GALNT16: variants seen among roughly 807,000 people sequenced by gnomAD.
GALNT16 encodes polypeptide N-acetylgalactosaminyltransferase 16.
A neutral mutation model predicts 76.1 loss-of-function variants in GALNT16; 40 were observed. That is an observed-to-expected ratio of 0.53 (90% confidence interval 0.41 to 0.68). The LOEUF (loss-of-function observed/expected upper bound fraction) is 0.68. Ranked by LOEUF, GALNT16 falls within the 30% of genes least tolerant of loss-of-function variation. The pLI is 0.00. For missense variants in GALNT16, 621 were observed against 731.9 expected (o/e 0.85, Z 1.75); for synonymous variants, 276 against 285.2 (o/e 0.97, Z 0.32).
chr14:69,315,778 T>C (rs2045090472), intron 1 of GALNT16, among the ~76,000 whole-genome samples: 1 of 152,044 alleles, frequency 6.6e-6, no homozygotes, highest in Admixed American at 6.6e-5. Flanking sequence ...TTTTGGTCAC[T>C]AGAGAAGAAC....
At chr14:69,338,831 C>T (rs1468208912) in intron 10 of GALNT16, 54 bp downstream of exon 10, 1 of 1,446,170 alleles carries the variant, frequency 6.9e-7, no homozygotes. Context: ...AAGGCCCAAG[C>T]CCCCAGCCTT....
the GALNT16 span, among the ~76,000 whole-genome samples, chr14:69,377,804 CAAAAAAAAAAAAAAAAAAAA>C: frequency 2.7e-5 from 1 of 37,478 alleles, no homozygotes; most frequent in Admixed American, 5.8e-4. Flanking sequence ...GAGACTGTCT[CAAAAAAAAAAAAAAAAAAAA>C]AAAAAAAAAA....
intron 2 of GALNT16, among the ~76,000 whole-genome samples, chr14:69,321,635 C>T (rs566960871): frequency 6.6e-6 from 1 of 152,320 alleles, no homozygotes; most frequent in South Asian, 2.1e-4. Flanking sequence ...ATTCCTCCCT[C>T]CTTCCTTCCT....
At chr14:69,284,025 C>T (rs147841379) in intron 1 of GALNT16, among the ~76,000 whole-genome samples, 2 of 152,258 alleles carry the variant, frequency 1.3e-5, no homozygotes, top group Non-Finnish European at 2.9e-5. Flanking sequence ...TGATTTGGCT[C>T]ATCCTTACCC....
chr14:69,260,602 A>G, intron 1 of GALNT16, 135 bp downstream of exon 1: 1 of 542,998 alleles, frequency 1.8e-6, no homozygotes. Flanking sequence ...TATATGTTGG[A>G]GCATTCCTGC....
chr14:69,302,559 C>T (rs904901593), intron 1 of GALNT16, among the ~76,000 whole-genome samples: 2 of 152,118 alleles, frequency 1.3e-5, no homozygotes, highest in African/African-American at 4.8e-5. Context: ...CCGAATCTTG[C>T]ACAGAAGTCT....
chr14:69,266,566 A>G (rs1208721419), intron 1 of GALNT16, among the ~76,000 whole-genome samples: 1 of 152,186 alleles, frequency 6.6e-6, no homozygotes, highest in African/African-American at 2.4e-5. Flanking sequence ...TGAGGCCAGG[A>G]GGTGAAAGAT....
chr14:69,386,015 A>G, the GALNT16 span, among the ~76,000 whole-genome samples: 478 of 152,280 alleles, frequency 3.1e-3, 4 homozygotes, highest in African/African-American at 0.011. Context: ...GCTGTCCCTC[A>G]TCCCCTCTGT....
chr14:69,366,785 A>T, the GALNT16 span, among the ~76,000 whole-genome samples: 9 of 152,216 alleles, frequency 5.9e-5, no homozygotes, highest in Non-Finnish European at 1.2e-4. Context: ...AATCACAAAC[A>T]TATGTTGAGA....
rs1171220803 is a variant in GALNT16, at chr14:69,320,792, A to C, written c.259A>C (p.Arg87=). 6 of 1,614,210 alleles carry C rather than the reference A, an allele frequency of 3.7e-6. No individual in the cohort carries two copies. The highest frequency in any genetic ancestry group is 5.1e-6 in the Non-Finnish European group (6 of 1,180,022). Residue 87 remains arginine, a synonymous_variant, in exon 2 of 15, where the codon AGA becomes CGA. Transcript: ENST00000448469. ...GCTGAAGGCTGGAGAGGACCCCTAC[A>C]GACAGCACGCCTTCAACCAGCTGGA... ...KQLKAGEDPY[R]QHAFNQLESD... is the part of the protein sequence containing the mutation.
intron 12 of GALNT16, among the ~76,000 whole-genome samples, chr14:69,342,708 C>T (rs1269837618): frequency 6.6e-6 from 1 of 152,122 alleles, no homozygotes; most frequent in African/African-American, 2.4e-5. Context: ...TGTGTGCACT[C>T]GAGCTGTAGT....
At chr14:69,358,606 T>A (rs1489492729), downstream of GALNT16, 1 of 152,774 alleles carries the variant, frequency 6.5e-6, no homozygotes, top group Non-Finnish European at 1.5e-5. Context: ...TGACTTCTCC[T>A]TCTGAAGGAT....
At chr14:69,281,882 C>G (rs949069107) in intron 1 of GALNT16, among the ~76,000 whole-genome samples, 2 of 152,188 alleles carry the variant, frequency 1.3e-5, no homozygotes, top group Non-Finnish European at 2.9e-5. Flanking sequence ...CAGTGCCTGT[C>G]TAAACCCCAA....
the GALNT16 span, among the ~76,000 whole-genome samples, chr14:69,383,138 T>C: frequency 1.3e-5 from 2 of 152,226 alleles, no homozygotes; most frequent in Non-Finnish European, 2.9e-5. Flanking sequence ...ATTATTTTCA[T>C]CTTACAAAAA....
At chr14:69,288,145 C>T (rs766857086) in intron 1 of GALNT16, among the ~76,000 whole-genome samples, 1 of 152,192 alleles carries the variant, frequency 6.6e-6, no homozygotes, top group Non-Finnish European at 1.5e-5. Context: ...AGGAAGTGAC[C>T]TGGACAGCCG....
chr14:69,265,467 G>T (rs747870540), intron 1 of GALNT16, among the ~76,000 whole-genome samples: 14 of 152,322 alleles, frequency 9.2e-5, no homozygotes, highest in Non-Finnish European at 1.8e-4. Context: ...GCCATTTAAG[G>T]TAGAGGTAGG....
intron 14 of GALNT16, chr14:69,349,909 C>T (rs1275692): frequency 0.74 from 112,710 of 152,076 alleles, 42,269 homozygotes; most frequent in Non-Finnish European, 0.8. Context: ...TTCAGTCATT[C>T]GTTCATCTTA....
At chr14:69,284,769 G>A (rs549863391) in intron 1 of GALNT16, among the ~76,000 whole-genome samples, 20 of 152,234 alleles carry the variant, frequency 1.3e-4, no homozygotes, top group Admixed American at 5.2e-4. Flanking sequence ...CCCATGTGTC[G>A]TGGGAGGGAC....
At position 69,352,071 on chromosome 14, in the gene GALNT16, G is replaced by T; in HGVS notation, c.1580G>T (p.Ser527Ile). Reference protein sequence around the residue: ...RKGSFIQHSVSGLCLETKPAQ... With the variant: ...RKGSFIQHSVIGLCLETKPAQ... Reference sequence around the variant, plus strand: ...GGATCTTTCATCCAGCATTCAGTCAGTGGCCTCTGCCTGGAGACAAAGCCT... The same window carrying T: ...GGATCTTTCATCCAGCATTCAGTCATTGGCCTCTGCCTGGAGACAAAGCCT... Residue 527 changes from serine (S) to isoleucine (I), a missense_variant, in exon 15 of 15, where the codon AGT becomes ATT. By Grantham distance (142) the Ser-to-Ile change is moderately radical. Coordinates refer to ENST00000448469, the MANE Select transcript of GALNT16 (RefSeq NM_001168368.2). 1 of 1,613,992 alleles carries T rather than the reference G, an allele frequency of 6.2e-7. No individual in the cohort carries two copies. Among genetic ancestry groups the T allele is most frequent in the South Asian group, 1.1e-5 (1 of 91,056 alleles).
Sources: gnomAD v4.1 joint callset for allele counts (sites outside exome capture counted in the v4.1 genomes callset) on GRCh38, gnomAD v4.1.1 for gene constraint, MANE v1.5 for transcripts, NCBI Gene and HGNC (gene_info 2026-07-23, HGNC 2026-07-21) for gene names.